Variants in RIT2 observed in about 807,000 individuals in gnomAD.
The protein encoded by RIT2 is Ras like without CAAX 2, also known as GTP-binding protein Rit2.
RIT2 carries 24 observed loss-of-function variants against 23.7 expected under a neutral mutation model. The observed-to-expected ratio is 1.01, with a 90% CI of 0.73 to 1.43. RIT2 has a LOEUF of 1.43. Ranked by LOEUF, RIT2 falls within the 40% of genes most tolerant of loss-of-function variation. The pLI is 0.00. For synonymous variants in RIT2, 107 were observed against 91.1 expected (o/e 1.17, Z -0.99); for missense variants, 236 against 266.9 (o/e 0.88, Z 0.81).
chr18:42,993,953 C>G (rs894735321), intron 2 of RIT2, among the ~76,000 whole-genome samples: 1 of 152,092 alleles, frequency 6.6e-6, no homozygotes, highest in Non-Finnish European at 1.5e-5. Flanking sequence ...TATAAACTCT[C>G]CTTACAATTC....
At chr18:43,085,627 C>T (rs1192369130) in intron 1 of RIT2, among the ~76,000 whole-genome samples, 1 of 152,090 alleles carries the variant, frequency 6.6e-6, no homozygotes, top group African/African-American at 2.4e-5. Flanking sequence ...TTTAATTTTG[C>T]ATAATGTCCT....
intron 4 of RIT2, among the ~76,000 whole-genome samples, chr18:42,863,188 T>G (rs977375580): frequency 2.6e-5 from 4 of 152,154 alleles, no homozygotes; most frequent in Non-Finnish European, 5.9e-5. Flanking sequence ...GAATTTACTG[T>G]GTTATGCCAG....
At chr18:42,915,566 C>T (rs1430424425) in intron 4 of RIT2, among the ~76,000 whole-genome samples, 1 of 151,876 alleles carries the variant, frequency 6.6e-6, no homozygotes, top group Non-Finnish European at 1.5e-5. Context: ...CCATGAAAAC[C>T]AAACAATTCA....
intron 4 of RIT2, among the ~76,000 whole-genome samples, chr18:42,808,226 C>T (rs190980082): frequency 6.6e-6 from 1 of 152,214 alleles, no homozygotes; most frequent in East Asian, 1.9e-4. Flanking sequence ...CTGAGAAGAA[C>T]TAAAATATTA....
At chr18:42,836,773 C>A (rs1391587053) in intron 4 of RIT2, among the ~76,000 whole-genome samples, 1 of 152,190 alleles carries the variant, frequency 6.6e-6, no homozygotes, top group Admixed American at 6.5e-5. Flanking sequence ...TGTTTCCCAT[C>A]TCCCTTCAGA....
At chr18:42,843,480 T>C (rs1906824427) in intron 4 of RIT2, among the ~76,000 whole-genome samples, 1 of 152,222 alleles carries the variant, frequency 6.6e-6, no homozygotes, top group African/African-American at 2.4e-5. Context: ...CCAAGATCCC[T>C]TCCAGGGTGT....
intron 3 of RIT2, among the ~76,000 whole-genome samples, chr18:42,946,523 G>A (rs1909731101): frequency 6.6e-6 from 1 of 151,916 alleles, no homozygotes; most frequent in South Asian, 2.1e-4. Context: ...AATATATACT[G>A]TACCTAAAAT....
chr18:42,803,564 T>C (rs1387383462), intron 4 of RIT2, among the ~76,000 whole-genome samples: 4 of 152,182 alleles, frequency 2.6e-5, no homozygotes, highest in African/African-American at 9.7e-5. Context: ...TTTCTGTAAG[T>C]GGAGCAGAAA....
intron 2 of RIT2, among the ~76,000 whole-genome samples, chr18:42,986,308 C>A (rs1910708147): frequency 6.6e-6 from 1 of 150,846 alleles, no homozygotes; most frequent in Admixed American, 6.6e-5. Context: ...GGATTACAGG[C>A]GTGAGGCACC....
chr18:42,752,491 C>T (rs747323051), intron 4 of RIT2, among the ~76,000 whole-genome samples: 2 of 152,082 alleles, frequency 1.3e-5, no homozygotes, highest in African/African-American at 4.8e-5. Context: ...AGAAATGGCT[C>T]AAGGTCACAC....
chr18:43,086,233 A>G (rs1271786790), intron 1 of RIT2, among the ~76,000 whole-genome samples: 2 of 152,156 alleles, frequency 1.3e-5, no homozygotes, highest in African/African-American at 4.8e-5. Flanking sequence ...AAAGTTTTAG[A>G]GTTTGGAGCA....
At chr18:42,955,279 A>G (rs1024678293) in intron 3 of RIT2, among the ~76,000 whole-genome samples, 2 of 152,218 alleles carry the variant, frequency 1.3e-5, no homozygotes, top group Non-Finnish European at 2.9e-5. Context: ...AGCAGACACC[A>G]GAGAGTCCAA....
intron 1 of RIT2, among the ~76,000 whole-genome samples, chr18:43,058,742 AC>A (rs1397639373): frequency 6.6e-6 from 1 of 151,972 alleles, no homozygotes. Flanking sequence ...TGCAAAAATT[AC>A]CCAGGCATGG....
chr18:42,965,502 G>C (rs572011465), intron 3 of RIT2, among the ~76,000 whole-genome samples: 2 of 152,120 alleles, frequency 1.3e-5, no homozygotes, highest in East Asian at 3.9e-4. Flanking sequence ...ATACCAAATA[G>C]AATGTAATAT....
intron 3 of RIT2, among the ~76,000 whole-genome samples, chr18:42,932,551 C>A (rs1414320062): frequency 6.6e-6 from 1 of 152,120 alleles, no homozygotes; most frequent in Non-Finnish European, 1.5e-5. Flanking sequence ...GGGGTCACTT[C>A]TCTCATGGCC....
chr18:42,920,061 C>G (rs76083784), intron 4 of RIT2, among the ~76,000 whole-genome samples: 7,598 of 152,042 alleles, frequency 0.05, 218 homozygotes, highest in Middle Eastern at 0.071. Context: ...TTCCTCCCAC[C>G]AAAAGGGTAA....
intron 3 of RIT2, among the ~76,000 whole-genome samples, chr18:42,971,299 A>T (rs1284532856): frequency 2.6e-5 from 4 of 152,066 alleles, no homozygotes; most frequent in Non-Finnish European, 5.9e-5. Context: ...TTGAAAGCCA[A>T]CATTTCATCA....
At chr18:42,911,793 A>G (rs554459524) in intron 4 of RIT2, among the ~76,000 whole-genome samples, 2 of 152,108 alleles carry the variant, frequency 1.3e-5, no homozygotes, top group South Asian at 2.1e-4. Flanking sequence ...TCAGATTTTT[A>G]TTTTAAAAGC....
chr18:42,754,083 T>C (rs1006752391), intron 4 of RIT2, among the ~76,000 whole-genome samples: 2 of 152,142 alleles, frequency 1.3e-5, no homozygotes, highest in Non-Finnish European at 2.9e-5. Flanking sequence ...TCCCCAATTA[T>C]CTTTTTTAGA....
Sources: gnomAD v4.1 joint callset for allele counts (sites outside exome capture counted in the v4.1 genomes callset) on GRCh38, gnomAD v4.1.1 for gene constraint, MANE v1.5 for transcripts, NCBI Gene and HGNC (gene_info 2026-07-23, HGNC 2026-07-21) for gene names.